The following FBXL13 variants were observed in gnomAD, a reference collection of about 807,000 sequenced individuals.
FBXL13 encodes the protein F-box and leucine-rich repeat protein 13.
FBXL13 carries 67 observed loss-of-function variants against 83.6 expected under a neutral mutation model. The ratio of observed to expected loss-of-function variants is 0.80; its 90% CI spans 0.66 to 0.98. The LOEUF is 0.98. FBXL13 is among the 50% of genes least tolerant of loss of function. The pLI is 0.00. For synonymous variants in FBXL13, 272 were observed against 299.5 expected (o/e 0.91, Z 0.95); for missense variants, 822 against 866.5 (o/e 0.95, Z 0.64).
At chr7:102,849,726 T>C (rs916573556) in intron 17 of FBXL13, among the ~76,000 whole-genome samples, 2 of 152,182 alleles carry the variant, frequency 1.3e-5, no homozygotes, top group Admixed American at 6.5e-5. Context: ...GACTTAATAA[T>C]TGGGCTGGAG....
intron 17 of FBXL13, among the ~76,000 whole-genome samples, chr7:102,839,101 C>T (rs551479757): frequency 1.1e-4 from 16 of 152,324 alleles, no homozygotes; most frequent in Admixed American, 5.2e-4. Context: ...TGGCGGGAGA[C>T]GAGACATGTT....
chr7:102,853,647 C>T (rs900450244), intron 17 of FBXL13, among the ~76,000 whole-genome samples: 32 of 152,228 alleles, frequency 2.1e-4, no homozygotes, highest in African/African-American at 7.5e-4. Context: ...TATCCAGAAT[C>T]TACAATGAAC....
chr7:103,007,763 A>C (rs1382667530), intron 6 of FBXL13, among the ~76,000 whole-genome samples: 1 of 152,052 alleles, frequency 6.6e-6, no homozygotes, highest in Non-Finnish European at 1.5e-5. Flanking sequence ...CACATTCTAC[A>C]GTCATTAGAT....
In FBXL13 at chr7:102,823,436, T is replaced by C. The variant is rs183894636; in HGVS notation, c.1855-1233A>G. ...GAAAGGGACAAGTAGGTGAGACAGA[T>C]GTTTGGAAGCAAGGGGAGAAAGAAG... is the stretch of plus-strand genomic sequence containing the variant. On this transcript the variant is annotated intron_variant, in intron 18 of 19. Transcript: ENST00000313221. Among the ~76,000 whole-genome samples, 697 of 152,240 alleles carry C rather than the reference T, an allele frequency of 4.6e-3. 7 individuals carry two copies. Among genetic ancestry groups the C allele is most frequent in the African/African-American group, 0.016 (667 of 41,540 alleles).
At chr7:102,879,227 G>A (rs911175425) in intron 14 of FBXL13, among the ~76,000 whole-genome samples, 1 of 152,208 alleles carries the variant, frequency 6.6e-6, no homozygotes, top group East Asian at 1.9e-4. Flanking sequence ...TGGGCGTACA[G>A]ATGGGAAGAA....
chr7:102,999,791 TC>T (rs1422207929), intron 6 of FBXL13, among the ~76,000 whole-genome samples: 2 of 152,184 alleles, frequency 1.3e-5, no homozygotes, highest in African/African-American at 4.8e-5. Flanking sequence ...ATTTGGGTCT[TC>T]TTTTTTTCTT....
chr7:102,839,862 G>T (rs1802621782), intron 17 of FBXL13, among the ~76,000 whole-genome samples: 1 of 151,828 alleles, frequency 6.6e-6, no homozygotes, highest in South Asian at 2.1e-4. Flanking sequence ...AAAATAGAAT[G>T]TATGAGATAA....
intron 2 of FBXL13, chr7:103,031,482 G>A (rs995087279): frequency 9.2e-5 from 14 of 152,184 alleles, no homozygotes; most frequent in African/African-American, 3.4e-4. Flanking sequence ...CAAATGGAGG[G>A]CAAAGGATTC....
intron 2 of FBXL13, among the ~76,000 whole-genome samples, chr7:103,036,323 T>C (rs1279880563): frequency 6.6e-6 from 1 of 152,140 alleles, no homozygotes; most frequent in East Asian, 1.9e-4. Flanking sequence ...ATATGCCTAA[T>C]TTAAATCCCT....
intron 2 of FBXL13, among the ~76,000 whole-genome samples, chr7:103,039,888 A>G (rs1795483480): frequency 6.6e-6 from 1 of 152,180 alleles, no homozygotes; most frequent in Non-Finnish European, 1.5e-5. Flanking sequence ...AATGGTAAAG[A>G]CCATCGATGC....
At chr7:103,027,456 T>C in exon 5 of FBXL13, 4 of 1,607,878 alleles carry the variant, frequency 2.5e-6, no homozygotes, top group Non-Finnish European at 2.6e-6. Flanking sequence ...TACCAGCTCA[T>C]CTTCTTTCTT....
At chr7:103,046,515 T>C (rs1300636516) in intron 2 of FBXL13, among the ~76,000 whole-genome samples, 1 of 152,206 alleles carries the variant, frequency 6.6e-6, no homozygotes, top group African/African-American at 2.4e-5. Context: ...AGGCGACATA[T>C]ATACCATTAA....
At chr7:103,072,969 C>T (rs1231900644) in intron 1 of FBXL13, among the ~76,000 whole-genome samples, 5 of 152,220 alleles carry the variant, frequency 3.3e-5, no homozygotes, top group Non-Finnish European at 5.9e-5. Flanking sequence ...ATCTGATTTA[C>T]TGACTGCTAC....
chr7:103,057,741 A>G (rs1049162710), intron 1 of FBXL13, among the ~76,000 whole-genome samples: 2 of 152,196 alleles, frequency 1.3e-5, no homozygotes, highest in African/African-American at 4.8e-5. Context: ...CTTCTTGTTA[A>G]AAGTGTCTGC....
chr7:102,858,240 C>T (rs900365725), intron 16 of FBXL13, among the ~76,000 whole-genome samples: 2 of 151,850 alleles, frequency 1.3e-5, no homozygotes, highest in Non-Finnish European at 2.9e-5. Context: ...ATGGGAGCTA[C>T]GAAAAAGTAG....
chr7:102,929,569 C>T (rs1010743343), intron 9 of FBXL13, among the ~76,000 whole-genome samples: 2 of 145,046 alleles, frequency 1.4e-5, no homozygotes, highest in Non-Finnish European at 3.0e-5. Flanking sequence ...GTGGCTGAGG[C>T]AGGAGAATCA....
chr7:102,899,698 A>G (rs577312017), intron 11 of FBXL13, among the ~76,000 whole-genome samples: 21 of 152,352 alleles, frequency 1.4e-4, no homozygotes, highest in Admixed American at 2.6e-4. Flanking sequence ...TACTAATACC[A>G]GTACAATGTA....
At chr7:103,041,152 C>T (rs1230958419) in intron 2 of FBXL13, among the ~76,000 whole-genome samples, 1 of 151,972 alleles carries the variant, frequency 6.6e-6, no homozygotes, top group Non-Finnish European at 1.5e-5. Context: ...TTATAACCAC[C>T]GATCCCACAG....
At chr7:102,902,089 A>G (rs1813034225) in intron 11 of FBXL13, among the ~76,000 whole-genome samples, 1 of 152,158 alleles carries the variant, frequency 6.6e-6, no homozygotes, top group Non-Finnish European at 1.5e-5. Context: ...CATCCTCACC[A>G]GCATTTGTTA....
Sources: allele counts gnomAD v4.1 joint callset (sites outside exome capture counted in the v4.1 genomes callset), GRCh38; gene constraint gnomAD v4.1.1; transcripts MANE v1.5; gene names NCBI Gene and HGNC (gene_info 2026-07-23, HGNC 2026-07-21).